Variants in PHACTR2 observed in about 807,000 individuals in gnomAD.
The protein encoded by PHACTR2 is chromosome 6 open reading frame 56.
Under a neutral mutation model 76.0 loss-of-function variants are expected in PHACTR2, and 30 were observed. The observed-to-expected ratio is 0.39, with a 90% CI of 0.30 to 0.54. The LOEUF is 0.54. Among genes scored for constraint, PHACTR2 ranks in the 20% least tolerant of loss-of-function variants. The pLI is 0.61. For missense variants in PHACTR2, 696 were observed against 781.1 expected (o/e 0.89, Z 1.30); for synonymous variants, 292 against 292.5 (o/e 1.00, Z 0.02).
rs2128446754 is a variant in PHACTR2, at chr6:143,653,838, A to AGAG, written c.13+45517_13+45518insAGG. ...TATTTCTTTAAAATATGACACTAAA[A>AGAG]GCACGAAAAACAAAAGAAACAATAA... On this transcript the variant is annotated intron_variant, in intron 1 of 11. Coordinates refer to the PHACTR2 transcript ENST00000305766. This position sits in a 1 kb window ranked among gnomAD's most constrained non-coding sequence, Gnocchi z 4.9. 6.6e-6 allele frequency among the ~76,000 whole-genome samples: 1 copy of AGAG among 152,330 alleles called. No individual in the cohort carries two copies. The highest frequency in any genetic ancestry group is 1.9e-4 in the East Asian group (1 of 5,186).
chr6:143,598,255 T>G lies in PHACTR2; in HGVS notation c.217+61048T>G, dbSNP rs1011745319. Reference sequence around the variant, plus strand: ...GCTGGGCTCAGTGTAATCACAGGATTCCTTATAAGAGGGACAAGAAGGTTA... The same window carrying G: ...GCTGGGCTCAGTGTAATCACAGGATGCCTTATAAGAGGGACAAGAAGGTTA... On this transcript the variant is annotated intron_variant, in intron 1 of 11. Coordinates refer to the PHACTR2 transcript ENST00000367584. The surrounding 1 kb of genome is among the most constrained non-coding windows in gnomAD (Gnocchi z 4.1). Among the ~76,000 whole-genome samples the G allele has an allele frequency of 6.6e-6, 1 of 152,120 alleles. No individual in the cohort carries two copies. The highest frequency in any genetic ancestry group is 1.5e-5 in the Non-Finnish European group (1 of 68,020).
At chr6:143,567,735 C>T (rs987807077) in intron 1 of PHACTR2, among the ~76,000 whole-genome samples, 1 of 152,012 alleles carries the variant, frequency 6.6e-6, no homozygotes, top group African/African-American at 2.4e-5. Context: ...CAGCTAGAAC[C>T]TTCCCTACAC....
At chr6:143,741,085 T>G (rs952099739) in intron 2 of PHACTR2, among the ~76,000 whole-genome samples, 5 of 151,964 alleles carry the variant, frequency 3.3e-5, no homozygotes, top group African/African-American at 1.2e-4. Context: ...CCATCTCTAC[T>G]AAAAATGCAA....
chr6:143,593,666 G>A (rs941155223), intron 1 of PHACTR2, among the ~76,000 whole-genome samples: 1 of 152,198 alleles, frequency 6.6e-6, no homozygotes, highest in South Asian at 2.1e-4. Context: ...AGAGGTAGAA[G>A]ATCTGTAAAT....
Position 143,657,961 on chromosome 6 carries a change from T to C in PHACTR2, c.13+49639T>C, listed in dbSNP as rs540677421. Among the ~76,000 whole-genome samples, 14 of 151,940 alleles carry C rather than the reference T, an allele frequency of 9.2e-5. No individual in the cohort carries two copies. In the South Asian group the frequency reaches 2.9e-3, roughly 32 times the overall value. On this transcript the variant is annotated intron_variant, in intron 1 of 11. Coordinates refer to the PHACTR2 transcript ENST00000305766. ...TAATCCCTTTATTTCTGAGGGGGGG[T>C]CCAGGCAGCACATCACAGTGTTTTA...
At chr6:143,661,894 C>G (rs2128448559) in intron 1 of PHACTR2, among the ~76,000 whole-genome samples, 1 of 152,242 alleles carries the variant, frequency 6.6e-6, no homozygotes. Flanking sequence ...ATTGCAAGTT[C>G]TCTACCTGGA....
Position 143,827,194 on chromosome 6 carries a change from A to ATATG in PHACTR2, c.*3508_*3509insGTAT, listed in dbSNP as rs1554232040. 12 of 121,784 alleles carry ATATG rather than the reference A, an allele frequency of 9.9e-5. No homozygotes were observed. The highest frequency in any genetic ancestry group is 3.3e-4 in the African/African-American group (11 of 33,652). 7.5% of individuals were successfully genotyped at this position (121,784 alleles called of 1,614,324 possible). The stretch of plus-strand genomic sequence containing the variant: ...TATATATATATATATATATATATAT[A>ATATG]TATATGTATATTATATATACAGTAG... On this transcript the variant is annotated 3_prime_UTR_variant, in exon 13 of 13. Coordinates refer to ENST00000440869, the MANE Select transcript of PHACTR2 (RefSeq NM_001100164.2).
rs1405344617 is a variant in PHACTR2, at chr6:143,764,229, C to T, written c.695-1032C>T. On this transcript the variant is annotated intron_variant, in intron 5 of 12. Transcript: ENST00000440869. The surrounding 1 kb of genome is among the most constrained non-coding windows in gnomAD (Gnocchi z 4.7). ...CATTCACATTATTTAGAACCAGACA[C>T]GGTGGCTCACACCTGTAATTCTTTG... 2.6e-5 allele frequency among the ~76,000 whole-genome samples: 4 copies of T among 152,236 alleles called. 1 individual carries two copies. Among genetic ancestry groups the T allele is most frequent in the South Asian group, 4.1e-4 (2 of 4,820 alleles).
In PHACTR2 at chr6:143,821,082, G is replaced by A. The variant is rs1469532932; in HGVS notation, c.1923-2592G>A. ...GAACAATGTCCTGAGGCTGCACGAG[G>A]CAGCAGGGCCCTTGACCTGGCCCTC... is the stretch of plus-strand genomic sequence containing the variant. On this transcript the variant is annotated intron_variant, in intron 12 of 12. Transcript: ENST00000440869. The surrounding 1 kb of genome is among the most constrained non-coding windows in gnomAD (Gnocchi z 5.2). Among the ~76,000 whole-genome samples, 1 of 152,250 alleles carries A rather than the reference G, an allele frequency of 6.6e-6. No homozygotes were observed. The highest frequency in any genetic ancestry group is 1.5e-5 in the Non-Finnish European group (1 of 68,044).
At position 143,803,496 on chromosome 6, in the gene PHACTR2, T is replaced by C. The variant is rs1776006100; in HGVS notation, c.1846-3561T>C. Among the ~76,000 whole-genome samples, 1 of 152,124 alleles carries C rather than the reference T, an allele frequency of 6.6e-6. No individual in the cohort carries two copies. Among genetic ancestry groups the C allele is most frequent in the Non-Finnish European group, 1.5e-5 (1 of 68,028 alleles). On this transcript the variant is annotated intron_variant, in intron 11 of 12. Coordinates refer to ENST00000440869, the MANE Select transcript of PHACTR2 (RefSeq NM_001100164.2). This position sits in a 1 kb window ranked among gnomAD's most constrained non-coding sequence, Gnocchi z 4.7. ...CCAGGAGGCAGAGGTTGCAGTGAGCTGAGATCACGCCACTGCACTCCAACC... is the reference window on the plus strand; with the variant it reads ...CCAGGAGGCAGAGGTTGCAGTGAGCCGAGATCACGCCACTGCACTCCAACC...
Position 143,697,007 on chromosome 6 carries a change from A to G in PHACTR2, c.47-15009A>G, listed in dbSNP as rs971224820. Reference sequence around the variant, plus strand: ...ATTGTAGAGTCAGATGTTTGCCACCACAACACTGGGCTATTATGCAAGGTA... The same window carrying G: ...ATTGTAGAGTCAGATGTTTGCCACCGCAACACTGGGCTATTATGCAAGGTA... On this transcript the variant is annotated intron_variant, in intron 1 of 12. Transcript: ENST00000440869. This position sits in a 1 kb window ranked among gnomAD's most constrained non-coding sequence, Gnocchi z 4.4. Among the ~76,000 whole-genome samples, 1 of 152,156 alleles carries G rather than the reference A, an allele frequency of 6.6e-6. No homozygotes were observed. Among genetic ancestry groups the G allele is most frequent in the Non-Finnish European group, 1.5e-5 (1 of 68,022 alleles).
upstream of PHACTR2, among the ~76,000 whole-genome samples, chr6:143,606,053 AT>A (rs2128436537): frequency 1.3e-5 from 2 of 152,296 alleles, no homozygotes; most frequent in African/African-American, 4.8e-5. Context: ...AGAATTCAGA[AT>A]TTTATTTTAG....
intron 2 of PHACTR2, among the ~76,000 whole-genome samples, chr6:143,746,767 A>G (rs1019768021): frequency 6.6e-6 from 1 of 152,100 alleles, no homozygotes; most frequent in Non-Finnish European, 1.5e-5. Context: ...CCTTTTTGAC[A>G]AGAGGCCGAA....
At chr6:143,576,732 C>T (rs941981141) in intron 1 of PHACTR2, among the ~76,000 whole-genome samples, 15 of 151,958 alleles carry the variant, frequency 9.9e-5, no homozygotes, top group Admixed American at 3.3e-4. Context: ...CAAAATTAAC[C>T]GGGTGTGGTG....
intron 1 of PHACTR2, among the ~76,000 whole-genome samples, chr6:143,586,813 C>T (rs147917811): frequency 1.2e-3 from 185 of 152,288 alleles, no homozygotes; most frequent in African/African-American, 4.3e-3. Flanking sequence ...TTGAAAACTG[C>T]TTCTGCCCTG....
intron 1 of PHACTR2, among the ~76,000 whole-genome samples, chr6:143,575,194 A>G (rs1204050406): frequency 1.3e-5 from 2 of 152,180 alleles, no homozygotes; most frequent in Admixed American, 6.5e-5. Flanking sequence ...ATTTCTCCAT[A>G]TTGTTTATAC....
chr6:143,676,237 G>A (rs1045372241), upstream of PHACTR2, among the ~76,000 whole-genome samples: 4 of 152,170 alleles, frequency 2.6e-5, no homozygotes, highest in Non-Finnish European at 5.9e-5. This position sits in a 1 kb window ranked among gnomAD's most constrained non-coding sequence, Gnocchi z 4.8. Context: ...GAAAGGTCTT[G>A]AATAAGGTAA....
In PHACTR2 at chr6:143,795,405, C is replaced by A. The variant is rs1249978991; in HGVS notation, c.1845+6495C>A. ...CTGCAGCCTGGGCAACAGAATGAGACCCTGTCTCTAAAACAAAAATAAACA... is the reference window on the plus strand; with the variant it reads ...CTGCAGCCTGGGCAACAGAATGAGAACCTGTCTCTAAAACAAAAATAAACA... On this transcript the variant is annotated intron_variant, in intron 11 of 12. Transcript: ENST00000440869. This position sits in a 1 kb window ranked among gnomAD's most constrained non-coding sequence, Gnocchi z 4.8. 3.3e-5 allele frequency among the ~76,000 whole-genome samples: 5 copies of A among 152,272 alleles called. No homozygotes were observed. The highest frequency in any genetic ancestry group is 9.6e-5 in the African/African-American group (4 of 41,556).
Position 143,657,331 on chromosome 6 carries a change from T to C in PHACTR2, c.13+49009T>C, listed in dbSNP as rs543592941. On this transcript the variant is annotated intron_variant, in intron 1 of 11. Coordinates refer to the PHACTR2 transcript ENST00000305766. ...TACAGCCATGCACTCCACACCCCTA[T>C]CAAGATGTAGAATATTTCCAACCCC... Among the ~76,000 whole-genome samples the C allele has an allele frequency of 2.0e-5, 3 of 152,206 alleles. No homozygotes were observed. The East Asian group carries it at 5.8e-4, about 29-fold the overall frequency.
Sources: gnomAD v4.1 joint callset for allele counts (sites outside exome capture counted in the v4.1 genomes callset) on GRCh38, gnomAD v4.1.1 for gene constraint, Gnocchi (gnomAD v3.1) non-coding constraint, MANE v1.5 for transcripts, NCBI Gene and HGNC (gene_info 2026-07-23, HGNC 2026-07-21) for gene names.